The following MOB4 variants were observed in gnomAD, a reference collection of about 807,000 sequenced individuals.
The protein encoded by MOB4 is MOB-like protein phocein.
In MOB4, 4 loss-of-function variants were observed where a neutral mutation model predicts 32.2. The observed-to-expected ratio is 0.12, with a 90% confidence interval of 0.06 to 0.28. The LOEUF (loss-of-function observed/expected upper bound fraction) is 0.28. Among genes scored for constraint, MOB4 ranks in the 10% least tolerant of loss-of-function variants. The pLI, the probability that MOB4 is intolerant of heterozygous loss-of-function variation, is 1.00. For missense variants in MOB4, 158 were observed against 271.2 expected (o/e 0.58, Z 2.93); for synonymous variants, 88 against 88.1 (o/e 1.00, Z 0.01).
At chr2:197,526,296 A>T (rs2086610355) in intron 2 of MOB4, among the ~76,000 whole-genome samples, 1 of 152,132 alleles carries the variant, frequency 6.6e-6, no homozygotes, top group African/African-American at 2.4e-5. Context: ...TGAGATGATC[A>T]TGTGTTTCTT....
At position 197,552,144 on chromosome 2, in the gene MOB4, T is replaced by A. The variant is rs1226678953; in HGVS notation, c.*1498T>A. 6.6e-6 allele frequency: 1 copy of A among 152,348 alleles called. No individual in the cohort carries two copies. The allele number at this position is 152,348 out of a possible 1,614,324, so 9.4% of individuals were successfully genotyped here. ...AGTGTGTGTATGTATAGTGTATGCC[T>A]TTCCAAGCTTGCCAGTCTTTTTGGC... On this transcript the variant is annotated 3_prime_UTR_variant, in exon 8 of 8. Transcript: ENST00000323303.
At position 197,552,642 on chromosome 2, in the gene MOB4, G is replaced by A. The variant is rs561718769; in HGVS notation, c.*1996G>A. 1 of 152,270 alleles carries A rather than the reference G, an allele frequency of 6.6e-6. No homozygotes were observed. The highest frequency in any genetic ancestry group is 1.9e-4 in the East Asian group (1 of 5,316). 9.4% of individuals were successfully genotyped at this position (152,270 alleles called of 1,614,324 possible). On this transcript the variant is annotated 3_prime_UTR_variant, in exon 8 of 8. Coordinates refer to ENST00000323303, the MANE Select transcript of MOB4 (RefSeq NM_015387.5). The stretch of plus-strand genomic sequence containing the variant: ...ATAATCAGTTTGTAGTCTTGCTTTT[G>A]TATTCATGTTGATAATCTTACTAAT...
Position 197,516,073 on chromosome 2 carries a change from T to G in MOB4, c.-14T>G, listed in dbSNP as rs753876318. The G allele has an allele frequency of 6.3e-7, 1 of 1,584,710 alleles. No homozygotes were observed. The highest frequency in any genetic ancestry group is 1.2e-5 in the South Asian group (1 of 86,734). On this transcript the variant is annotated 5_prime_UTR_variant, in exon 1 of 8. Transcript: ENST00000323303. Reference sequence around the variant, plus strand: ...CATCCGGGTACCGACTCCAGCCGCCTAGACGCTGGCACTATGGTCATGGCG... The same window carrying G: ...CATCCGGGTACCGACTCCAGCCGCCGAGACGCTGGCACTATGGTCATGGCG...
chr2:197,543,483 A>C (rs1184334112), intron 5 of MOB4, among the ~76,000 whole-genome samples: 1 of 152,126 alleles, frequency 6.6e-6, no homozygotes, highest in Admixed American at 6.5e-5. Flanking sequence ...GGAGAAACAA[A>C]ATGTAGCATG....
intron 5 of MOB4, among the ~76,000 whole-genome samples, chr2:197,546,299 G>T (rs1284201986): frequency 6.6e-6 from 1 of 152,114 alleles, no homozygotes; most frequent in Non-Finnish European, 1.5e-5. Flanking sequence ...CTGACCTTGT[G>T]ATCCACCTGC....
At chr2:197,550,105 C>T (rs548916585) in intron 6 of MOB4, among the ~76,000 whole-genome samples, 170 bp from the exon 7 acceptor site, 3 of 152,268 alleles carry the variant, frequency 2.0e-5, no homozygotes, top group African/African-American at 7.2e-5. Flanking sequence ...AGAACACTGG[C>T]CTAGAACTGA....
In MOB4 at chr2:197,552,898, A is replaced by G. The variant is rs1186283351; in HGVS notation, c.*2252A>G. 4 of 152,350 alleles carry G rather than the reference A, an allele frequency of 2.6e-5. No individual in the cohort carries two copies. The highest frequency in any genetic ancestry group is 3.8e-4 in the East Asian group (2 of 5,206). The allele number at this position is 152,350 out of a possible 1,614,324, so 9.4% of individuals were successfully genotyped here. A position where few individuals can be genotyped will look rare whatever the true frequency, so the allele number is the denominator to read the frequency against. ...CTCCACTTTTTGTTTGAATTACCCT[A>G]TGTATATCCGAAGGTAAACTTAGGC... On this transcript the variant is annotated 3_prime_UTR_variant, in exon 8 of 8. Coordinates refer to ENST00000323303, the MANE Select transcript of MOB4 (RefSeq NM_015387.5).
chr2:197,550,189 C>G, intron 6 of MOB4, 86 bp from the exon 7 acceptor site: 1 of 1,272,848 alleles, frequency 7.9e-7, no homozygotes. Context: ...GTGTCAGTTT[C>G]TACACTTGTA....
chr2:197,523,409 T>C (rs2086556154), intron 1 of MOB4, among the ~76,000 whole-genome samples: 1 of 152,232 alleles, frequency 6.6e-6, no homozygotes, highest in Non-Finnish European at 1.5e-5. Flanking sequence ...TGTAGTGAGC[T>C]ATGATTGTGC....
intron 1 of MOB4, among the ~76,000 whole-genome samples, chr2:197,523,049 T>C (rs749190470): frequency 6.6e-6 from 1 of 151,902 alleles, no homozygotes; most frequent in Non-Finnish European, 1.5e-5. Flanking sequence ...TATGGAGCAG[T>C]AAATTAGCTA....
At chr2:197,518,913 G>A (rs1264022125) in intron 1 of MOB4, among the ~76,000 whole-genome samples, 2 of 151,898 alleles carry the variant, frequency 1.3e-5, no homozygotes, top group Non-Finnish European at 1.5e-5. Flanking sequence ...TAACCACCAC[G>A]TCTGACTAAT....
intron 2 of MOB4, among the ~76,000 whole-genome samples, chr2:197,534,973 TTC>T (rs1001350509): frequency 6.6e-6 from 1 of 152,170 alleles, no homozygotes; most frequent in African/African-American, 2.4e-5. Flanking sequence ...TCAATAGATT[TTC>T]TTACTCTAGA....
At chr2:197,539,213 C>T (rs114389158) in intron 3 of MOB4, among the ~76,000 whole-genome samples, 7 of 152,036 alleles carry the variant, frequency 4.6e-5, no homozygotes, top group African/African-American at 9.6e-5. Flanking sequence ...GGAGGGAACA[C>T]GTTCAGTGTT....
chr2:197,515,941 C>T (rs1449224275), upstream of MOB4: 7 of 798,100 alleles, frequency 8.8e-6, no homozygotes, highest in Non-Finnish European at 1.4e-5. Context: ...CCCGCTTCTA[C>T]CCGGACGGCT....
chr2:197,516,722 G>T, intron 1 of MOB4: 1 of 471,594 alleles, frequency 2.1e-6, no homozygotes, highest in Non-Finnish European at 4.4e-6. Context: ...CTCTGGTCCA[G>T]CAAGTTTTCA....
In MOB4 at chr2:197,516,463, C is replaced by G. The variant is rs1458143378; in HGVS notation, c.60+317C>G. On this transcript the variant is annotated intron_variant, in intron 1 of 7. Coordinates refer to ENST00000323303, the MANE Select transcript of MOB4 (RefSeq NM_015387.5). ...TTCTTCTCGCCTTGCCCCTGAGCCCCAGCTGACTAGCATTGGAGGGGCGCG... is the reference window on the plus strand; with the variant it reads ...TTCTTCTCGCCTTGCCCCTGAGCCCGAGCTGACTAGCATTGGAGGGGCGCG... 4.4e-6 allele frequency: 5 copies of G among 1,134,926 alleles called. No individual in the cohort carries two copies. In the African/African-American group the frequency reaches 7.9e-5, roughly 18 times the overall value. The allele number at this position is 1,134,926 out of a possible 1,614,324, so 70.3% of individuals were successfully genotyped here. A position where few individuals can be genotyped will look rare whatever the true frequency, so the allele number is the denominator to read the frequency against.
chr2:197,516,280 C>T, intron 1 of MOB4, 134 bp downstream of exon 1: 2 of 1,455,088 alleles, frequency 1.4e-6, no homozygotes, highest in Non-Finnish European at 1.8e-6. Flanking sequence ...CCGGCCTGCT[C>T]TTCCGGAGCT....
At chr2:197,520,924 GAAA>G (rs2086505516) in intron 1 of MOB4, among the ~76,000 whole-genome samples, 1 of 138,816 alleles carries the variant, frequency 7.2e-6, no homozygotes, top group African/African-American at 2.7e-5. Context: ...AAAAGAAGAA[GAAA>G]TAAAAATATT....
chr2:197,550,247 G>C lies in MOB4; in HGVS notation c.435-28G>C, dbSNP rs1427229862. The C allele has an allele frequency of 2.5e-6, 4 of 1,588,572 alleles. No homozygotes were observed. In the African/African-American group the frequency reaches 5.4e-5, roughly 22 times the overall value. On this transcript the variant is annotated intron_variant, in intron 6 of 7. Transcript: ENST00000323303. ...TTCCTAAGATTCTATCCAGTTCTAA[G>C]AATCTATGGTTTCTTTTCTACTTCT...
Sources: allele counts gnomAD v4.1 joint callset (sites outside exome capture counted in the v4.1 genomes callset), GRCh38; gene constraint gnomAD v4.1.1; transcripts MANE v1.5; gene names NCBI Gene and HGNC (gene_info 2026-07-23, HGNC 2026-07-21).